ZMIZ1: variants seen among roughly 807,000 people sequenced by gnomAD.
ZMIZ1 encodes zinc finger MIZ domain-containing protein 1.
A neutral mutation model predicts 113.9 loss-of-function variants in ZMIZ1; 17 were observed. The observed-to-expected ratio is 0.15, with a 90% confidence interval of 0.10 to 0.22. The LOEUF (loss-of-function observed/expected upper bound fraction) is 0.22. ZMIZ1 is among the 10% of genes least tolerant of loss of function. The pLI, the probability that ZMIZ1 is intolerant of heterozygous loss-of-function variation, is 1.00. For missense variants in ZMIZ1, 1,059 were observed against 1,477.8 expected (o/e 0.72, Z 4.65); for synonymous variants, 607 against 603.1 (o/e 1.01, Z -0.09).
intron 2 of ZMIZ1, among the ~76,000 whole-genome samples, chr10:79,122,552 C>G (rs1236986680): frequency 1.3e-5 from 2 of 152,152 alleles, no homozygotes; most frequent in East Asian, 3.9e-4. Context: ...CAGACTCACT[C>G]CTGCAGGTTA....
intron 7 of ZMIZ1, among the ~76,000 whole-genome samples, chr10:79,241,051 T>C (rs1046588772): frequency 1.3e-5 from 2 of 152,156 alleles, no homozygotes; most frequent in Admixed American, 6.5e-5. Flanking sequence ...TGAACTGCCA[T>C]TGCACAGAAT....
At chr10:79,300,597 T>C (rs1006122982) in intron 16 of ZMIZ1, 135 bp from the exon 17 acceptor site, 57 of 1,115,420 alleles carry the variant, frequency 5.1e-5, no homozygotes, top group Middle Eastern at 6.0e-4. Context: ...GGGGGAATCA[T>C]TGGGGTCAGG....
intron 7 of ZMIZ1, among the ~76,000 whole-genome samples, chr10:79,270,977 C>A (rs1851914771): frequency 6.6e-6 from 1 of 152,178 alleles, no homozygotes; most frequent in Non-Finnish European, 1.5e-5. Flanking sequence ...CGGCGCCTTG[C>A]CACCAGCTGA....
intron 4 of ZMIZ1, among the ~76,000 whole-genome samples, chr10:79,192,985 G>A (rs1382107318): frequency 6.6e-6 from 1 of 152,128 alleles, no homozygotes; most frequent in Non-Finnish European, 1.5e-5. Flanking sequence ...CCTGAGGTAG[G>A]GCACAAAGTC....
At chr10:79,221,289 T>C (rs1260196556) in intron 7 of ZMIZ1, among the ~76,000 whole-genome samples, 1 of 152,096 alleles carries the variant, frequency 6.6e-6, no homozygotes, top group African/African-American at 2.4e-5. Context: ...TGTGCGTGTG[T>C]GTGTCCTGGG....
chr10:79,176,988 A>G (rs1589381333), intron 4 of ZMIZ1, among the ~76,000 whole-genome samples: 1 of 152,338 alleles, frequency 6.6e-6, no homozygotes, highest in Middle Eastern at 3.4e-3. Context: ...TGCACTGGGA[A>G]TGAGGCCCCT....
chr10:79,133,393 G>A (rs1156609955), intron 2 of ZMIZ1, among the ~76,000 whole-genome samples: 1 of 152,228 alleles, frequency 6.6e-6, no homozygotes, highest in Admixed American at 6.5e-5. Context: ...TTTCTCCGGA[G>A]TTCCGGGAGG....
chr10:79,278,428 A>T (rs942761729), intron 8 of ZMIZ1, among the ~76,000 whole-genome samples: 2 of 149,764 alleles, frequency 1.3e-5, no homozygotes, highest in Non-Finnish European at 3.0e-5. Context: ...TTATTATTTT[A>T]ATTCTTTTTT....
intron 2 of ZMIZ1, among the ~76,000 whole-genome samples, chr10:79,135,851 G>C (rs1400382811): frequency 6.6e-6 from 1 of 152,236 alleles, no homozygotes. Context: ...ACTCAGTACA[G>C]CCGGCAGTGA....
chr10:79,130,308 A>G (rs1012388197), intron 2 of ZMIZ1, among the ~76,000 whole-genome samples: 1 of 152,126 alleles, frequency 6.6e-6, no homozygotes. Context: ...CTTCCCTAAT[A>G]TCAGCCTTCT....
intron 7 of ZMIZ1, among the ~76,000 whole-genome samples, chr10:79,221,269 CGT>C (rs1366825789): frequency 8.7e-5 from 13 of 149,394 alleles, no homozygotes; most frequent in Non-Finnish European, 1.4e-4. Flanking sequence ...TGCATGCATG[CGT>C]GTGTGTGTGT....
intron 7 of ZMIZ1, among the ~76,000 whole-genome samples, chr10:79,230,162 G>GC (rs1414902386): frequency 4.8e-5 from 7 of 146,986 alleles, no homozygotes; most frequent in African/African-American, 1.3e-4. Flanking sequence ...CTCTCTCCCC[G>GC]CCCCCCTTTC....
intron 12 of ZMIZ1, chr10:79,294,030 T>G: frequency 3.2e-6 from 1 of 309,792 alleles, no homozygotes; most frequent in Non-Finnish European, 6.3e-6. Context: ...ACATGAGAGC[T>G]TCCCCAACTC....
Position 79,313,055 on chromosome 10 carries a change from CG to C in ZMIZ1, c.*307del. 2.5e-6 allele frequency: 1 copy of C among 399,796 alleles called. No homozygotes were observed. Among genetic ancestry groups the C allele is most frequent in the East Asian group, 4.5e-5 (1 of 22,198 alleles). 24.8% of individuals were successfully genotyped at this position (399,796 alleles called of 1,614,324 possible). ...GGAACCAGCCCGGTAAGAGGGCACA[CG>C]CTGATGCGGCTTCCCGGTCCCTCCG... On this transcript the variant is annotated 3_prime_UTR_variant, in exon 25 of 25. Transcript: ENST00000334512.
intron 7 of ZMIZ1, among the ~76,000 whole-genome samples, chr10:79,251,728 G>A (rs1850566862): frequency 6.6e-6 from 1 of 152,216 alleles, no homozygotes; most frequent in Non-Finnish European, 1.5e-5. Flanking sequence ...TGTCTTCCCT[G>A]CAGGGAGTGG....
intron 7 of ZMIZ1, among the ~76,000 whole-genome samples, chr10:79,220,412 T>C (rs1250588): frequency 0.34 from 52,028 of 152,086 alleles, 10,236 homozygotes; most frequent in Non-Finnish European, 0.46. Flanking sequence ...TGACCTGCAG[T>C]GTCCCTACCC....
In ZMIZ1 at chr10:79,312,849, AC is replaced by A; in HGVS notation, c.*102del. The A allele has an allele frequency of 8.8e-7, 1 of 1,132,598 alleles. No individual in the cohort carries two copies. The highest frequency in any genetic ancestry group is 1.3e-6 in the Non-Finnish European group (1 of 774,594). 70.2% of individuals were successfully genotyped at this position (1,132,598 alleles called of 1,614,324 possible). A position where few individuals can be genotyped will look rare whatever the true frequency, so the allele number is the denominator to read the frequency against. On this transcript the variant is annotated 3_prime_UTR_variant, in exon 25 of 25. Coordinates refer to ENST00000334512, the MANE Select transcript of ZMIZ1 (RefSeq NM_020338.4). ...AGCCTGTGCCCTCAGACCGCCCCGC[AC>A]CAGAGCCACGGGCTGTGGGGCGGGG... is the stretch of plus-strand genomic sequence containing the variant.
At chr10:79,087,592 C>A (rs1263896417) in intron 1 of ZMIZ1, among the ~76,000 whole-genome samples, 1 of 152,250 alleles carries the variant, frequency 6.6e-6, no homozygotes, top group Non-Finnish European at 1.5e-5. Context: ...CTTCACTTGG[C>A]TACCAGTGTG....
At chr10:79,243,704 C>A in intron 7 of ZMIZ1, 1 of 299,880 alleles carries the variant, frequency 3.3e-6, no homozygotes, top group Non-Finnish European at 6.6e-6. Context: ...CCCCCGAGGG[C>A]GCCAGGGCGG....
Sources: gnomAD v4.1 joint callset for allele counts (sites outside exome capture counted in the v4.1 genomes callset) on GRCh38, gnomAD v4.1.1 for gene constraint, MANE v1.5 for transcripts, NCBI Gene and HGNC (gene_info 2026-07-23, HGNC 2026-07-21) for gene names.